The following PPIL2 variants were observed in gnomAD, a reference collection of about 807,000 sequenced individuals.
PPIL2 encodes RING-type E3 ubiquitin-protein ligase PPIL2.
PPIL2 carries 50 observed loss-of-function variants against 75.2 expected under a neutral mutation model. The observed-to-expected ratio is 0.66, with a 90% CI of 0.53 to 0.84. The LOEUF (loss-of-function observed/expected upper bound fraction) is 0.84. Among genes scored for constraint, PPIL2 ranks in the 40% least tolerant of loss-of-function variants. The probability of loss-of-function intolerance (pLI) is 0.00; values close to 1 mark genes in which losing one functional copy is unlikely to be tolerated. For missense variants in PPIL2, 590 were observed against 685.0 expected (o/e 0.86, Z 1.55); for synonymous variants, 245 against 258.8 (o/e 0.95, Z 0.51).
chr22:21,672,305 G>T (rs1188267803), intron 4 of PPIL2, 25 bp from the exon 5 acceptor site: 1 of 1,602,716 alleles, frequency 6.2e-7, no homozygotes, highest in Admixed American at 1.7e-5. Context: ...CCCTGGTGAT[G>T]CTTTCTGTTC....
rs755572515 is a variant in PPIL2, at chr22:21,695,384, C to T, written c.1467-10C>T. On this transcript the variant is annotated splice_polypyrimidine_tract_variant and intron_variant, in intron 19 of 19. Transcript: ENST00000398831. ...GGGTGTGGGCTCCCAGCGGCTTCTT[C>T]TCTTCCCAGGAAGCGAGCAGCAGAG... The T allele has an allele frequency of 2.0e-4, 321 of 1,598,360 alleles. No individual in the cohort carries two copies. The highest frequency in any genetic ancestry group is 2.7e-4 in the Non-Finnish European group (314 of 1,172,620).
intron 6 of PPIL2, among the ~76,000 whole-genome samples, chr22:21,677,592 C>T (rs1042471686): frequency 1.3e-5 from 2 of 152,190 alleles, no homozygotes; most frequent in Non-Finnish European, 2.9e-5. Flanking sequence ...AGGCACTCGG[C>T]AGGCTGAGGC....
At chr22:21,675,003 A>G (rs199680530) in intron 5 of PPIL2, 61 bp from the exon 6 acceptor site, 376 of 1,441,486 alleles carry the variant, frequency 2.6e-4, no homozygotes, top group African/African-American at 1.2e-3. Flanking sequence ...CTCTGACCCT[A>G]GCATCTCTGT....
In PPIL2 at chr22:21,697,787, G is replaced by GT. The variant is rs1407721736; in HGVS notation, c.*2300dup. 3 of 152,292 alleles carry GT rather than the reference G, an allele frequency of 2.0e-5. No homozygotes were observed. Among genetic ancestry groups the GT allele is most frequent in the African/African-American group, 7.2e-5 (3 of 41,432 alleles). 9.4% of individuals were successfully genotyped at this position (152,292 alleles called of 1,614,324 possible). ...CACCAAGGACCTTTGGCAAATGAAGGTTTACATTTCTGTAGTTTGTTTGTT... is the reference window on the plus strand; with the variant it reads ...CACCAAGGACCTTTGGCAAATGAAGGTTTTACATTTCTGTAGTTTGTTTGTT... On this transcript the variant is annotated 3_prime_UTR_variant, in exon 20 of 20. Coordinates refer to ENST00000398831, the MANE Select transcript of PPIL2 (RefSeq NM_014337.4).
chr22:21,682,362 C>T (rs181987681), intron 7 of PPIL2, 75 bp from the exon 8 acceptor site: 29 of 1,322,392 alleles, frequency 2.2e-5, no homozygotes, highest in African/African-American at 2.2e-4. Context: ...GGGCCAGCTC[C>T]AGGCCTCCCT....
chr22:21,687,192 G>C (rs756786857), intron 12 of PPIL2, among the ~76,000 whole-genome samples, 194 bp downstream of exon 12: 5 of 152,146 alleles, frequency 3.3e-5, no homozygotes, highest in African/African-American at 1.2e-4. Context: ...GCGCACAGGT[G>C]CCAGTGTCTC....
intron 14 of PPIL2, 23 bp downstream of exon 14, chr22:21,688,129 T>C: frequency 6.2e-7 from 1 of 1,614,024 alleles, no homozygotes; most frequent in East Asian, 2.2e-5. Flanking sequence ...GCTGGGCCCC[T>C]CTCTGGGCAC....
rs1404434503 is a variant in PPIL2 at position 21,688,111 on chromosome 22, G to T, written c.1021+5G>T. 1.2e-6 allele frequency: 2 copies of T among 1,614,082 alleles called. No homozygotes were observed. The highest frequency in any genetic ancestry group is 2.7e-5 in the African/African-American group (2 of 74,950). ...ACCCCACAGGCACAGGCACGGGTAG[G>T]TACTGGTGCTGGGCCCCTCTCTGGG... On this transcript the variant is annotated splice_donor_5th_base_variant and intron_variant, in intron 14 of 19. Coordinates refer to ENST00000398831, the MANE Select transcript of PPIL2 (RefSeq NM_014337.4).
chr22:21,692,191 C>T (rs1051856730), intron 15 of PPIL2, among the ~76,000 whole-genome samples: 97 of 151,746 alleles, frequency 6.4e-4, no homozygotes, highest in African/African-American at 9.9e-4. Flanking sequence ...AGTCTCGCTC[C>T]GTCCCCCAGG....
At chr22:21,670,232 C>T (rs2066579001) in intron 2 of PPIL2, 4 of 1,121,222 alleles carry the variant, frequency 3.6e-6, no homozygotes, top group Non-Finnish European at 3.7e-6. Context: ...TACAAAATTA[C>T]ATGTACATTT....
At chr22:21,691,841 C>A (rs1321519434) in intron 15 of PPIL2, among the ~76,000 whole-genome samples, 1 of 152,250 alleles carries the variant, frequency 6.6e-6, no homozygotes, top group Non-Finnish European at 1.5e-5. Flanking sequence ...CAGGTCTGCA[C>A]CGTTGCAGAT....
In PPIL2 at chr22:21,696,899, A is replaced by G. The variant is rs2148586991; in HGVS notation, c.*1409A>G. On this transcript the variant is annotated 3_prime_UTR_variant, in exon 20 of 20. Coordinates refer to ENST00000398831, the MANE Select transcript of PPIL2 (RefSeq NM_014337.4). Reference sequence around the variant, plus strand: ...CACTGCCACAGGCTGCCTGATGACCACTAGAGGTATGTCTGCCCCTCGTCA... The same window carrying G: ...CACTGCCACAGGCTGCCTGATGACCGCTAGAGGTATGTCTGCCCCTCGTCA... 1 of 1,593,500 alleles carries G rather than the reference A, an allele frequency of 6.3e-7. No individual in the cohort carries two copies. Among genetic ancestry groups the G allele is most frequent in the Non-Finnish European group, 8.5e-7 (1 of 1,170,656 alleles).
At chr22:21,668,957 C>G (rs554902552) in intron 1 of PPIL2, among the ~76,000 whole-genome samples, 63 of 151,674 alleles carry the variant, frequency 4.2e-4, no homozygotes, top group African/African-American at 1.4e-3. Flanking sequence ...GTGATCCGCC[C>G]GCCTCGGCCT....
At chr22:21,667,152 ATTTTT>A (rs747410460) in intron 1 of PPIL2, among the ~76,000 whole-genome samples, 26 of 106,566 alleles carry the variant, frequency 2.4e-4, no homozygotes, top group Non-Finnish European at 3.5e-4. Flanking sequence ...CTCAGTCCTC[ATTTTT>A]TTTTTTTTTT....
chr22:21,670,713 C>T, intron 3 of PPIL2, 102 bp downstream of exon 3: 3 of 1,285,832 alleles, frequency 2.3e-6, no homozygotes, highest in Non-Finnish European at 3.4e-6. Context: ...TAAAAGTGTG[C>T]CTTGAAGATG....
chr22:21,688,828 C>T lies in PPIL2; in HGVS notation c.1118C>T (p.Pro373Leu). ...ATCCTCAGCATGGCCAACTCCGGGC[C>T]CAACAGCAACAGGTCTCAATTGTGA... is the stretch of plus-strand genomic sequence containing the variant. ...RGILSMANSGPNSNRSQFFIT... is the reference protein window; with the variant it reads ...RGILSMANSGLNSNRSQFFIT... Residue 373 changes from proline (P) to leucine (L), a missense_variant, in exon 15 of 20, where the codon CCC becomes CTC. Pro to Leu is a moderately conservative substitution (Grantham distance 98). Coordinates refer to ENST00000398831, the MANE Select transcript of PPIL2 (RefSeq NM_014337.4). 1 of 1,614,196 alleles carries T rather than the reference C, an allele frequency of 6.2e-7. No homozygotes were observed. Among genetic ancestry groups the T allele is most frequent in the Non-Finnish European group, 8.5e-7 (1 of 1,180,018 alleles).
chr22:21,688,986 A>G, intron 15 of PPIL2, 137 bp downstream of exon 15: 1 of 818,362 alleles, frequency 1.2e-6, no homozygotes, highest in South Asian at 1.7e-5. Context: ...TAGGCCAAGC[A>G]TGTGCACCTG....
Position 21,695,664 on chromosome 22 carries a change from C to T in PPIL2, c.*174C>T. ...AGCCCACAGCCTTCCCATCCCTTAA[C>T]CTGTTGCCAAGGGCCTTGGCCCTGT... is the stretch of plus-strand genomic sequence containing the variant. On this transcript the variant is annotated 3_prime_UTR_variant, in exon 20 of 20. Coordinates refer to ENST00000398831, the MANE Select transcript of PPIL2 (RefSeq NM_014337.4). 3 of 1,420,912 alleles carry T rather than the reference C, an allele frequency of 2.1e-6. No individual in the cohort carries two copies. Among genetic ancestry groups the T allele is most frequent in the Non-Finnish European group, 2.8e-6 (3 of 1,087,528 alleles). 88.0% of individuals were successfully genotyped at this position (1,420,912 alleles called of 1,614,324 possible).
rs1423290476 is a variant in PPIL2, at chr22:21,696,724, G to T, written c.*1234G>T. On this transcript the variant is annotated 3_prime_UTR_variant, in exon 20 of 20. Transcript: ENST00000398831. ...TGTTCTTGGTTTTCTCATTTTTGTT[G>T]CCCCAAATCTTGAACCTGTCAGCAA... The T allele has an allele frequency of 6.5e-7, 1 of 1,537,032 alleles. No individual in the cohort carries two copies. Among genetic ancestry groups the T allele is most frequent in the Admixed American group, 2.0e-5 (1 of 50,974 alleles).
Sources: gnomAD v4.1 joint callset for allele counts (sites outside exome capture counted in the v4.1 genomes callset) on GRCh38, gnomAD v4.1.1 for gene constraint, MANE v1.5 for transcripts, NCBI Gene and HGNC (gene_info 2026-07-23, HGNC 2026-07-21) for gene names.